COL4A2: variants seen among roughly 807,000 people sequenced by gnomAD.
COL4A2 encodes collagen alpha-2(IV) chain.
COL4A2 carries 99 observed loss-of-function variants against 200.2 expected under a neutral mutation model. The ratio of observed to expected loss-of-function variants is 0.49; its 90% CI spans 0.42 to 0.58. The LOEUF (loss-of-function observed/expected upper bound fraction) is 0.58. COL4A2 is among the 20% of genes least tolerant of loss of function. The pLI is 0.00. For missense variants in COL4A2, 1,950 were observed against 2,314.1 expected (o/e 0.84, Z 3.23); for synonymous variants, 897 against 900.6 (o/e 1.00, Z 0.07).
At chr13:110,504,913 A>G (rs1883788775) in intron 45 of COL4A2, among the ~76,000 whole-genome samples, 1 of 151,754 alleles carries the variant, frequency 6.6e-6, no homozygotes, top group African/African-American at 2.4e-5. Flanking sequence ...TGGTCGTCTT[A>G]TTTTTTAAAA....
At chr13:110,371,862 T>A (rs974940590) in intron 4 of COL4A2, among the ~76,000 whole-genome samples, 2 of 152,152 alleles carry the variant, frequency 1.3e-5, no homozygotes, top group African/African-American at 4.8e-5. Context: ...TCTCCCCCAG[T>A]TCTTATCCTA....
chr13:110,499,619 A>G (rs1883576362), intron 40 of COL4A2, among the ~76,000 whole-genome samples: 1 of 152,240 alleles, frequency 6.6e-6, no homozygotes, highest in Admixed American at 6.5e-5. Flanking sequence ...TTCGAGCATC[A>G]GTTCCTGATT....
Position 110,506,417 on chromosome 13 carries a change from G to A in COL4A2, c.4405G>A (p.Ala1469Thr), listed in dbSNP as rs1336056932. Reference protein sequence around the residue: ...GHQGPIGQEGAPGRPGSPGLP... With the variant: ...GHQGPIGQEGTPGRPGSPGLP... ...TCTCTCTCTTTCTCGGGCTGCAGGT[G>A]CACCAGGCCGTCCAGGGAGCCCGGG... The change falls in exon 46 of 48, where the codon GCA becomes ACA. Residue 1469 changes from alanine to threonine, a missense_variant and splice_region_variant. Around this residue, in one of 2 missense-constraint regions of COL4A2, gnomAD observed 1,385 missense variants for 1,720.5 expected, o/e 0.80. Transcript: ENST00000360467. The A allele has an allele frequency of 1.9e-6, 3 of 1,608,746 alleles. No homozygotes were observed. Among genetic ancestry groups the A allele is most frequent in the Non-Finnish European group, 1.7e-6 (2 of 1,178,276 alleles).
chr13:110,309,486 G>T (rs1047523656), intron 3 of COL4A2, among the ~76,000 whole-genome samples: 2 of 152,220 alleles, frequency 1.3e-5, no homozygotes, highest in Non-Finnish European at 2.9e-5. Flanking sequence ...GCGCACGCAC[G>T]CACACTCAAA....
Position 110,428,493 on chromosome 13 carries a change from G to A in COL4A2, c.387G>A (p.Arg129=), listed in dbSNP as rs775283060. 1 of 1,584,758 alleles carries A rather than the reference G, an allele frequency of 6.3e-7. No homozygotes were observed. Among genetic ancestry groups the A allele is most frequent in the Non-Finnish European group, 8.5e-7 (1 of 1,169,640 alleles). Residue 129 remains arginine, a synonymous_variant, in exon 7 of 48, where the codon AGG becomes AGA. Coordinates refer to ENST00000360467, the MANE Select transcript of COL4A2 (RefSeq NM_001846.4). Reference sequence around the variant, plus strand: ...GACACCCGGGGCAAGGTGGGCCCAGGGGAAGGCCGGGCTACGATGGCTGCA... The same window carrying A: ...GACACCCGGGGCAAGGTGGGCCCAGAGGAAGGCCGGGCTACGATGGCTGCA... ...IPGHPGQGGP[R]GRPGYDGCNG...
Position 110,307,650 on chromosome 13 carries a change from C to G in COL4A2, c.-45+122C>G. ...AGTAGAAAGGGGGAGGGTGGGAGAG[C>G]GAAGACCGAGCTCCTCGGCCAAGGA... On this transcript the variant is annotated intron_variant, in intron 1 of 47. Coordinates refer to ENST00000360467, the MANE Select transcript of COL4A2 (RefSeq NM_001846.4). This position sits in a 1 kb window ranked among gnomAD's most constrained non-coding sequence, Gnocchi z 5.0. 3.5e-6 allele frequency: 2 copies of G among 566,578 alleles called. No homozygotes were observed. The highest frequency in any genetic ancestry group is 5.9e-5 in the East Asian group (2 of 34,022). 35.1% of individuals were successfully genotyped at this position (566,578 alleles called of 1,614,324 possible).
chr13:110,401,402 A>G (rs1879365213), intron 4 of COL4A2, among the ~76,000 whole-genome samples: 1 of 152,258 alleles, frequency 6.6e-6, no homozygotes, highest in Non-Finnish European at 1.5e-5. Flanking sequence ...TGTTTTCCAT[A>G]TAAACTTGAG....
chr13:110,449,935 C>T (rs191827015), intron 19 of COL4A2, 146 bp downstream of exon 19: 41 of 892,722 alleles, frequency 4.6e-5, no homozygotes, highest in Admixed American at 2.0e-4. Context: ...TAAGGAGCCC[C>T]GCACACATGC....
At chr13:110,488,548 C>T (rs867100200) in intron 34 of COL4A2, among the ~76,000 whole-genome samples, 39 of 152,160 alleles carry the variant, frequency 2.6e-4, no homozygotes, top group Middle Eastern at 3.2e-3. Flanking sequence ...AGAAGTCTCC[C>T]TCTGTGCACA....
intron 21 of COL4A2, 140 bp downstream of exon 21, chr13:110,457,575 C>G (rs1351322567): frequency 2.8e-6 from 2 of 709,338 alleles, no homozygotes; most frequent in East Asian, 5.5e-5. Flanking sequence ...CTCCTGTCCC[C>G]TTGGCGGTGG....
At chr13:110,478,520 A>G (rs74124609) in intron 30 of COL4A2, among the ~76,000 whole-genome samples, 3,560 of 152,322 alleles carry the variant, frequency 0.023, 128 homozygotes, top group South Asian at 0.071. Flanking sequence ...TGGCTCCGTC[A>G]GGGAAACCTG....
chr13:110,411,840 ACTCTT>A (rs1879855596), intron 4 of COL4A2, among the ~76,000 whole-genome samples: 2 of 152,030 alleles, frequency 1.3e-5, no homozygotes, highest in South Asian at 4.2e-4. Context: ...GCCCCATATG[ACTCTT>A]CTCTTTCATA....
rs576302723 is a variant in COL4A2, at chr13:110,495,616, A to G, written c.3760+149A>G. 3,067 of 1,008,048 alleles carry G rather than the reference A, an allele frequency of 3.0e-3. 13 individuals are homozygous for G. Among genetic ancestry groups the G allele is most frequent in the Non-Finnish European group, 3.0e-3 (2,133 of 706,388 alleles). 62.4% of individuals were successfully genotyped at this position (1,008,048 alleles called of 1,614,324 possible). ...TCTGGGGAGGACTACCTGTTGCAGG[A>G]CCTCTCAGCTAGTCTTAGTTTGTTA... On this transcript the variant is annotated intron_variant, in intron 40 of 47. Transcript: ENST00000360467.
chr13:110,378,096 C>T (rs1344804222), intron 4 of COL4A2, among the ~76,000 whole-genome samples: 1 of 152,172 alleles, frequency 6.6e-6, no homozygotes, highest in East Asian at 1.9e-4. Flanking sequence ...CGTCTCGAAT[C>T]GAGATGTAAT....
At chr13:110,391,609 C>T (rs532866030) in intron 4 of COL4A2, among the ~76,000 whole-genome samples, 2 of 152,360 alleles carry the variant, frequency 1.3e-5, no homozygotes, top group Admixed American at 1.3e-4. Flanking sequence ...ATTGGCTCTA[C>T]CGCTTACTAG....
At chr13:110,326,903 G>C (rs968224192) in intron 3 of COL4A2, among the ~76,000 whole-genome samples, 5 of 152,240 alleles carry the variant, frequency 3.3e-5, no homozygotes, top group African/African-American at 1.2e-4. Flanking sequence ...GCTCAAGAGC[G>C]TGACCACTTT....
At chr13:110,341,669 G>A (rs151203350) in intron 3 of COL4A2, among the ~76,000 whole-genome samples, 6 of 152,280 alleles carry the variant, frequency 3.9e-5, no homozygotes, top group East Asian at 3.9e-4. Flanking sequence ...CTTTAAAGAC[G>A]CCAGGCTGAG....
chr13:110,396,819 T>G (rs143464182), intron 4 of COL4A2, among the ~76,000 whole-genome samples: 1 of 152,368 alleles, frequency 6.6e-6, no homozygotes, highest in African/African-American at 2.4e-5. Context: ...GCAATTTCTT[T>G]CTTACAAACA....
At position 110,508,257 on chromosome 13, in the gene COL4A2, C is replaced by T. The variant is rs750889793; in HGVS notation, c.4881+36C>T. The stretch of plus-strand genomic sequence containing the variant: ...TTTGCCCAGTTCCCCTCCCCAACCA[C>T]ACCCTGCTGGGGACACAGCAAGAAC... On this transcript the variant is annotated intron_variant, in intron 47 of 47. Transcript: ENST00000360467. The surrounding 1 kb of genome is among the most constrained non-coding windows in gnomAD (Gnocchi z 6.1). 6.2e-7 allele frequency: 1 copy of T among 1,604,666 alleles called. No homozygotes were observed. The highest frequency in any genetic ancestry group is 8.5e-7 in the Non-Finnish European group (1 of 1,173,522).
Sources: allele counts gnomAD v4.1 joint callset (sites outside exome capture counted in the v4.1 genomes callset), GRCh38; gene constraint gnomAD v4.1.1; regional missense constraint gnomAD v4.1.1; non-coding constraint Gnocchi (gnomAD v3.1); transcripts MANE v1.5; gene names NCBI Gene and HGNC (gene_info 2026-07-23, HGNC 2026-07-21).